Variants in STK38L observed in about 807,000 individuals in gnomAD.
STK38L encodes serine/threonine-protein kinase 38-like.
A neutral mutation model predicts 59.7 loss-of-function variants in STK38L; 28 were observed. The observed-to-expected ratio is 0.47, with a 90% CI of 0.35 to 0.64. The LOEUF is 0.64. STK38L is among the 30% of genes least tolerant of loss of function. The pLI is 0.01. For synonymous variants in STK38L, 162 were observed against 176.8 expected (o/e 0.92, Z 0.66); for missense variants, 314 against 555.8 (o/e 0.56, Z 4.37).
chr12:27,247,651 G>A (rs1942882808), intron 1 of STK38L, among the ~76,000 whole-genome samples: 1 of 152,000 alleles, frequency 6.6e-6, no homozygotes, highest in Non-Finnish European at 1.5e-5. Context: ...TTAATGGAAT[G>A]TTTGCGTCTT....
chr12:27,257,028 ATGAACATTTTTC>A (rs1209982467), intron 1 of STK38L, among the ~76,000 whole-genome samples: 1 of 152,218 alleles, frequency 6.6e-6, no homozygotes, highest in Non-Finnish European at 1.5e-5. Context: ...GTCGTTAGCT[ATGAACATTTTTC>A]TGAACATTTT....
intron 1 of STK38L, among the ~76,000 whole-genome samples, chr12:27,264,946 T>C (rs920589188): frequency 3.3e-5 from 5 of 152,138 alleles, no homozygotes; most frequent in African/African-American, 1.2e-4. Context: ...ATGCTACTCT[T>C]TTTGAGTATT....
Position 27,297,799 on chromosome 12 carries a change from A to G in STK38L, c.79A>G (p.Thr27Ala), listed in dbSNP as rs1056825424. Reference sequence around the variant, plus strand: ...GGAAAGAGTGACTGTAGCCAAGCTCACATTGGAGAATTTTTATAGCAACCT... The same window carrying G: ...GGAAAGAGTGACTGTAGCCAAGCTCGCATTGGAGAATTTTTATAGCAACCT... ...TRERVTVAKL[T>A]LENFYSNLIL... is the part of the protein sequence containing the mutation. The change falls in exon 2 of 14, where the codon ACA becomes GCA. Residue 27 changes from threonine to alanine, a missense_variant. Physicochemically the swap from Thr to Ala is moderately conservative, Grantham distance 58 (BLOSUM62 0). This residue lies in a region of STK38L where 192 missense variants were observed against 316.9 expected (regional missense o/e 0.61). Coordinates refer to ENST00000389032, the MANE Select transcript of STK38L (RefSeq NM_015000.4). 3 of 1,614,056 alleles carry G rather than the reference A, an allele frequency of 1.9e-6. No individual in the cohort carries two copies. The highest frequency in any genetic ancestry group is 2.5e-6 in the Non-Finnish European group (3 of 1,180,036).
Position 27,319,375 on chromosome 12 carries a change from A to G in STK38L, c.1127A>G (p.Glu376Gly), listed in dbSNP as rs1944669257. The G allele has an allele frequency of 6.2e-7, 1 of 1,613,396 alleles. No individual in the cohort carries two copies. The highest frequency in any genetic ancestry group is 1.3e-5 in the African/African-American group (1 of 74,916). The change falls in exon 12 of 14, where the codon GAA (glutamate) becomes GGA (glycine). Residue 376 changes from glutamate (E) to glycine (G), a missense_variant. By Grantham distance (98) the Glu-to-Gly change is moderately conservative. Transcript: ENST00000389032. Reference sequence around the variant, plus strand: ...AGAATTGGAAATAGTGGAGTAGAAGAAATAAAAGGTCATCCCTTTTTTGAA... The same window carrying G: ...AGAATTGGAAATAGTGGAGTAGAAGGAATAAAAGGTCATCCCTTTTTTGAA... ...ENRIGNSGVE[E>G]IKGHPFFEGV...
Position 27,263,647 on chromosome 12 carries a change from C to G in STK38L, c.-12+19315C>G, listed in dbSNP as rs1305786529. The stretch of plus-strand genomic sequence containing the variant: ...TTTGACTTGCCCAAATTGCTATGTA[C>G]ATGTTAAAGAGAGGCTGGAACTGAA... On this transcript the variant is annotated intron_variant, in intron 1 of 13. Transcript: ENST00000389032. Among the ~76,000 whole-genome samples the G allele has an allele frequency of 1.2e-4, 19 of 152,170 alleles. 1 individual carries two copies. The highest frequency in any genetic ancestry group is 1.2e-3 in the Admixed American group (19 of 15,272).
At chr12:27,284,783 T>A (rs2136629110) in intron 1 of STK38L, among the ~76,000 whole-genome samples, 1 of 152,366 alleles carries the variant, frequency 6.6e-6, no homozygotes, top group African/African-American at 2.4e-5. Flanking sequence ...GCTTAGGTAG[T>A]AAGCTGTTCA....
intron 1 of STK38L, among the ~76,000 whole-genome samples, chr12:27,256,501 C>A (rs1056882407): frequency 1.3e-5 from 2 of 152,194 alleles, no homozygotes; most frequent in Non-Finnish European, 2.9e-5. Context: ...TTCAGGGAGG[C>A]CTGCCTTGAC....
intron 1 of STK38L, 72 bp from the exon 2 acceptor site, chr12:27,297,638 T>C (rs1944056505): frequency 1.4e-6 from 2 of 1,477,204 alleles, no homozygotes; most frequent in South Asian, 2.8e-5. Context: ...AAATTGAACA[T>C]TTTCAGAGTT....
intron 1 of STK38L, among the ~76,000 whole-genome samples, chr12:27,251,076 ACTT>A (rs1203365401): frequency 6.6e-6 from 1 of 151,654 alleles, no homozygotes; most frequent in Non-Finnish European, 1.5e-5. Context: ...TACTACAAAA[ACTT>A]CTCCTTTTCT....
chr12:27,287,546 T>C (rs1943801203), intron 1 of STK38L, among the ~76,000 whole-genome samples: 1 of 152,244 alleles, frequency 6.6e-6, no homozygotes, highest in Non-Finnish European at 1.5e-5. Flanking sequence ...GTTTTCATTG[T>C]ACTGATTTCA....
chr12:27,295,890 T>G (rs10431267), intron 1 of STK38L, among the ~76,000 whole-genome samples: 10,676 of 152,286 alleles, frequency 0.07, 494 homozygotes, highest in Non-Finnish European at 0.11. Context: ...TGGATATAAC[T>G]GCTTCAGGGA....
chr12:27,280,453 CTGA>C (rs1237160644), intron 1 of STK38L, among the ~76,000 whole-genome samples: 1 of 152,138 alleles, frequency 6.6e-6, no homozygotes, highest in Non-Finnish European at 1.5e-5. Context: ...TAAGAACGCT[CTGA>C]TTGTAAGGCT....
chr12:27,308,603 TCG>T lies in STK38L; in HGVS notation c.309+144_309+145del. On this transcript the variant is annotated intron_variant, in intron 4 of 13. Coordinates refer to ENST00000389032, the MANE Select transcript of STK38L (RefSeq NM_015000.4). This position sits in a 1 kb window ranked among gnomAD's most constrained non-coding sequence, Gnocchi z 4.5. ...ACTTTGGGAGGCCGAGGCGGGTGGA[TCG>T]CCTGAGGTCAGGAGTTCGAGACCAG... 1.2e-6 allele frequency: 1 copy of T among 861,506 alleles called. No individual in the cohort carries two copies. Among genetic ancestry groups the T allele is most frequent in the Non-Finnish European group, 1.5e-6 (1 of 666,526 alleles). 53.4% of individuals were successfully genotyped at this position (861,506 alleles called of 1,614,324 possible). A position where few individuals can be genotyped will look rare whatever the true frequency, so the allele number is the denominator to read the frequency against.
chr12:27,304,280 AGAG>A (rs1944254320), intron 3 of STK38L, among the ~76,000 whole-genome samples: 1 of 149,764 alleles, frequency 6.7e-6, no homozygotes, highest in African/African-American at 2.4e-5. Flanking sequence ...AAAAAAAAAA[AGAG>A]TTTCTATATT....
chr12:27,249,830 C>T (rs1275521093), intron 1 of STK38L, among the ~76,000 whole-genome samples: 1 of 152,092 alleles, frequency 6.6e-6, no homozygotes, highest in Non-Finnish European at 1.5e-5. Context: ...ATCTCTGATC[C>T]CGTATGCACA....
intron 1 of STK38L, among the ~76,000 whole-genome samples, chr12:27,275,511 A>G (rs1943516021): frequency 6.6e-6 from 1 of 151,436 alleles, no homozygotes; most frequent in African/African-American, 2.4e-5. Flanking sequence ...CTAATTTTTT[A>G]GTATTTTAAG....
intron 3 of STK38L, among the ~76,000 whole-genome samples, chr12:27,306,097 T>TTTTTATAGAA (rs1327618375): frequency 1.3e-5 from 2 of 152,202 alleles, no homozygotes; most frequent in Admixed American, 1.3e-4. Flanking sequence ...GTGATGCTCA[T>TTTTTATAGAA]TTTTATAGAA....
chr12:27,294,014 C>T (rs567304703), intron 1 of STK38L, among the ~76,000 whole-genome samples: 3 of 152,286 alleles, frequency 2.0e-5, no homozygotes, highest in South Asian at 2.1e-4. Context: ...ATTCTACAAT[C>T]GTAGGGTGTT....
chr12:27,295,839 C>T (rs974227903), intron 1 of STK38L, among the ~76,000 whole-genome samples: 9 of 152,090 alleles, frequency 5.9e-5, no homozygotes, highest in African/African-American at 1.9e-4. Flanking sequence ...TAAACTGGGC[C>T]ATAAAGGATC....
Sources: allele counts gnomAD v4.1 joint callset (sites outside exome capture counted in the v4.1 genomes callset), GRCh38; gene constraint gnomAD v4.1.1; regional missense constraint gnomAD v4.1.1; non-coding constraint Gnocchi (gnomAD v3.1); transcripts MANE v1.5; gene names NCBI Gene and HGNC (gene_info 2026-07-23, HGNC 2026-07-21).